The following AGBL1 variants were observed in gnomAD, a reference collection of about 807,000 sequenced individuals.
AGBL1 encodes the protein AGBL carboxypeptidase 1, also known as cytosolic carboxypeptidase 4.
A neutral mutation model predicts 118.9 loss-of-function variants in AGBL1; 130 were observed. The observed-to-expected ratio is 1.09, with a 90% confidence interval of 0.95 to 1.26. AGBL1 has a LOEUF of 1.26. Among genes scored for constraint, AGBL1 ranks in the 50% most tolerant of loss-of-function variants. AGBL1 has a pLI of 0.00. For synonymous variants in AGBL1, 555 were observed against 478.9 expected, an observed-to-expected ratio of 1.16 and a Z score of -2.08; for missense variants, 1,584 against 1,298.1, an observed-to-expected ratio of 1.22 and a Z score of -3.38.
chr15:86,477,066 G>A (rs536287717), intron 18 of AGBL1, among the ~76,000 whole-genome samples: 57 of 152,138 alleles, frequency 3.7e-4, no homozygotes, highest in Non-Finnish European at 7.8e-4. Context: ...AGAATCTCTG[G>A]GACACATTTA....
intron 22 of AGBL1, among the ~76,000 whole-genome samples, chr15:86,880,785 G>T (rs1426039986): frequency 6.6e-6 from 1 of 152,026 alleles, no homozygotes; most frequent in Non-Finnish European, 1.5e-5. Flanking sequence ...CTCTGTGTGT[G>T]TGTGCACGTG....
At chr15:86,617,758 G>GTGCA (rs2084750246) in intron 21 of AGBL1, among the ~76,000 whole-genome samples, 1 of 82,362 alleles carries the variant, frequency 1.2e-5, no homozygotes, top group African/African-American at 4.7e-5. Context: ...TCAACTTTAT[G>GTGCA]CGCACACACA....
At chr15:86,854,136 G>C (rs755505502) in intron 22 of AGBL1, among the ~76,000 whole-genome samples, 12 of 152,048 alleles carry the variant, frequency 7.9e-5, no homozygotes, top group Non-Finnish European at 1.6e-4. Context: ...TACCAACTCT[G>C]TCATCCCATT....
chr15:86,103,836 G>T (rs909627441), intron 1 of AGBL1, among the ~76,000 whole-genome samples: 3 of 152,234 alleles, frequency 2.0e-5, no homozygotes, highest in African/African-American at 7.2e-5. Flanking sequence ...TGGGTCGCCA[G>T]GTGGCTTGCT....
chr15:86,953,790 G>A (rs903662450), intron 23 of AGBL1, among the ~76,000 whole-genome samples: 3 of 152,062 alleles, frequency 2.0e-5, no homozygotes, highest in East Asian at 3.9e-4. Flanking sequence ...AAACTTTACC[G>A]AAGTCGTTTA....
intron 22 of AGBL1, among the ~76,000 whole-genome samples, chr15:86,810,878 A>C (rs2078779558): frequency 6.6e-6 from 1 of 152,188 alleles, no homozygotes; most frequent in Non-Finnish European, 1.5e-5. Context: ...GCCACACCTC[A>C]AGCAGCTCTA....
At chr15:86,411,391 G>C (rs1167865788) in intron 18 of AGBL1, among the ~76,000 whole-genome samples, 2 of 152,056 alleles carry the variant, frequency 1.3e-5, no homozygotes, top group Admixed American at 6.6e-5. Context: ...AATTGCCCGA[G>C]AGCCTTCTGC....
rs2469188 is a variant in AGBL1, at chr15:86,642,683, T to A, written c.2995-31590T>A. Among the ~76,000 whole-genome samples, 344 of 151,968 alleles carry A rather than the reference T, an allele frequency of 2.3e-3. 3 individuals carry two copies. The highest frequency in any genetic ancestry group is 8.0e-3 in the African/African-American group (332 of 41,464). On this transcript the variant is annotated intron_variant, in intron 21 of 22. Transcript: ENST00000614907. ...ACAATCTGAGTATAAACACTATTTATTGATGGTGAATTATTCCTTACATCC... is the reference window on the plus strand; with the variant it reads ...ACAATCTGAGTATAAACACTATTTAATGATGGTGAATTATTCCTTACATCC...
intron 22 of AGBL1, among the ~76,000 whole-genome samples, chr15:86,801,242 C>T (rs1385839897): frequency 6.6e-6 from 1 of 151,918 alleles, no homozygotes; most frequent in Non-Finnish European, 1.5e-5. Flanking sequence ...TCTTTCTTGG[C>T]AAATGTTGGG....
intron 22 of AGBL1, among the ~76,000 whole-genome samples, chr15:86,864,796 A>G (rs920742030): frequency 2.0e-5 from 3 of 152,208 alleles, no homozygotes; most frequent in African/African-American, 7.2e-5. Flanking sequence ...ATGCACAATC[A>G]ACGGTGCAGC....
intron 16 of AGBL1, among the ~76,000 whole-genome samples, chr15:86,281,276 T>C (rs2079349562): frequency 1.3e-5 from 2 of 152,072 alleles, no homozygotes; most frequent in African/African-American, 4.8e-5. Flanking sequence ...CCCAGCTACT[T>C]GGGAGGCTGA....
At chr15:86,499,032 G>A (rs2082886950) in intron 18 of AGBL1, among the ~76,000 whole-genome samples, 2 of 151,856 alleles carry the variant, frequency 1.3e-5, no homozygotes, top group Admixed American at 6.6e-5. Context: ...CCCATGAAGA[G>A]TGACACAGAT....
intron 15 of AGBL1, among the ~76,000 whole-genome samples, chr15:86,273,817 G>T (rs1011869360): frequency 6.6e-6 from 1 of 152,168 alleles, no homozygotes; most frequent in Non-Finnish European, 1.5e-5. Flanking sequence ...ACTGTGAGCC[G>T]TGGTACCTGA....
At chr15:86,793,155 G>T (rs985757388) in intron 22 of AGBL1, among the ~76,000 whole-genome samples, 2 of 152,114 alleles carry the variant, frequency 1.3e-5, no homozygotes, top group Non-Finnish European at 1.5e-5. Flanking sequence ...AGTTAGAAAA[G>T]CACCATAGAC....
chr15:86,187,120 GA>G (rs1197481535), intron 5 of AGBL1, among the ~76,000 whole-genome samples: 3 of 152,114 alleles, frequency 2.0e-5, no homozygotes, highest in Non-Finnish European at 4.4e-5. Context: ...GCACACATTG[GA>G]ATGAAAACCA....
chr15:86,263,392 A>G (rs1435942620), intron 10 of AGBL1, among the ~76,000 whole-genome samples: 1 of 152,198 alleles, frequency 6.6e-6, no homozygotes, highest in South Asian at 2.1e-4. Flanking sequence ...AGCACACCCT[A>G]TGATGTTCAT....
intron 4 of AGBL1, among the ~76,000 whole-genome samples, chr15:86,157,198 A>G (rs1597470727): frequency 6.6e-6 from 1 of 152,186 alleles, no homozygotes; most frequent in Non-Finnish European, 1.5e-5. Context: ...CCTTGTTCAC[A>G]GATGGAGCCT....
At chr15:86,877,657 C>T (rs1356413949) in intron 22 of AGBL1, among the ~76,000 whole-genome samples, 2 of 152,102 alleles carry the variant, frequency 1.3e-5, no homozygotes, top group Admixed American at 6.5e-5. Context: ...ACCCTCTGAC[C>T]CTGGGAGACA....
intron 18 of AGBL1, among the ~76,000 whole-genome samples, chr15:86,446,221 T>G (rs1352469142): frequency 6.6e-6 from 1 of 152,232 alleles, no homozygotes; most frequent in African/African-American, 2.4e-5. Flanking sequence ...TATGTTTTCA[T>G]GTTTTTTGGT....
Sources: gnomAD v4.1 joint callset for allele counts (sites outside exome capture counted in the v4.1 genomes callset) on GRCh38, gnomAD v4.1.1 for gene constraint, MANE v1.5 for transcripts, NCBI Gene and HGNC (gene_info 2026-07-23, HGNC 2026-07-21) for gene names.